Variants in SPACA7 observed in about 807,000 individuals in gnomAD.
SPACA7 encodes the protein sperm acrosome associated 7.
SPACA7 carries 19 observed loss-of-function variants against 26.3 expected under a neutral mutation model. That is an observed-to-expected ratio of 0.72 (90% CI 0.50 to 1.06). SPACA7 has a LOEUF of 1.06. Among genes scored for constraint, SPACA7 ranks in the 50% least tolerant of loss-of-function variants. The pLI is 0.00. For missense variants in SPACA7, 211 were observed against 229.9 expected, an observed-to-expected ratio of 0.92 and a Z score of 0.53; for synonymous variants, 84 against 84.5, an observed-to-expected ratio of 0.99 and a Z score of 0.04.
intron 1 of SPACA7, among the ~76,000 whole-genome samples, chr13:112,383,026 A>AGAGAGAGAGAAAGAGAG (rs1884187938): frequency 3.1e-5 from 3 of 95,308 alleles, no homozygotes; most frequent in East Asian, 2.3e-4. Flanking sequence ...GAAAGAAAGA[A>AGAGAGAGAGAAAGAGAG]AGAGAGAGAG....
At chr13:112,412,757 A>G (rs1195502508) in intron 5 of SPACA7, among the ~76,000 whole-genome samples, 1 of 152,068 alleles carries the variant, frequency 6.6e-6, no homozygotes, top group Non-Finnish European at 1.5e-5. Flanking sequence ...TTGAAAATGA[A>G]TTGGCTGTAA....
At chr13:112,413,549 A>G (rs1886490826) in intron 5 of SPACA7, among the ~76,000 whole-genome samples, 1 of 152,076 alleles carries the variant, frequency 6.6e-6, no homozygotes, top group Non-Finnish European at 1.5e-5. Context: ...TGATTATTCG[A>G]TAAATTGGGG....
At chr13:112,407,322 G>A (rs1447480116) in intron 5 of SPACA7, among the ~76,000 whole-genome samples, 2 of 152,120 alleles carry the variant, frequency 1.3e-5, no homozygotes, top group Non-Finnish European at 2.9e-5. Context: ...AGAAGCAAGA[G>A]CAAACACATT....
At chr13:112,429,479 G>C (rs1328472329) in intron 5 of SPACA7, among the ~76,000 whole-genome samples, 3 of 150,924 alleles carry the variant, frequency 2.0e-5, no homozygotes. Context: ...CCTTTCTTTT[G>C]ATTGGTATTA....
chr13:112,434,107 G>A (rs1292460793), intron 6 of SPACA7, among the ~76,000 whole-genome samples: 1 of 152,148 alleles, frequency 6.6e-6, no homozygotes, highest in Non-Finnish European at 1.5e-5. Flanking sequence ...GGCAATGTTG[G>A]ACAGTGAAGA....
chr13:112,434,348 C>T, intron 6 of SPACA7, 137 bp from the exon 7 acceptor site: 1 of 723,216 alleles, frequency 1.4e-6, no homozygotes, highest in Non-Finnish European at 2.4e-6. Context: ...GCCCCAGACA[C>T]ATCCGCAGGG....
At chr13:112,384,327 A>T (rs979534215) in intron 1 of SPACA7, among the ~76,000 whole-genome samples, 1 of 152,034 alleles carries the variant, frequency 6.6e-6, no homozygotes, top group Non-Finnish European at 1.5e-5. Context: ...CATAATAATT[A>T]AAATTATTAC....
chr13:112,409,732 A>C (rs1168536369), intron 5 of SPACA7, among the ~76,000 whole-genome samples: 1 of 152,180 alleles, frequency 6.6e-6, no homozygotes, highest in Non-Finnish European at 1.5e-5. Context: ...GCTGGAGAGG[A>C]TGTGGAGAAA....
In SPACA7 at chr13:112,415,069, T is replaced by C. The variant is rs533469986; in HGVS notation, c.445+13905T>C. Among the ~76,000 whole-genome samples the C allele has an allele frequency of 5.3e-5, 8 of 152,336 alleles. No homozygotes were observed. In the South Asian group the frequency reaches 1.7e-3, roughly 32 times the overall value. Reference sequence around the variant, plus strand: ...AAGTCCAGTTACACTGCAAATCTCTTGCAACCTCCTAGATACCCAGCTCTG... The same window carrying C: ...AAGTCCAGTTACACTGCAAATCTCTCGCAACCTCCTAGATACCCAGCTCTG... On this transcript the variant is annotated intron_variant, in intron 5 of 6. Transcript: ENST00000283550.
intron 5 of SPACA7, among the ~76,000 whole-genome samples, chr13:112,418,537 A>C (rs1298272298): frequency 6.6e-6 from 1 of 152,228 alleles, no homozygotes; most frequent in African/African-American, 2.4e-5. Flanking sequence ...GGAATAGCTA[A>C]TCTGTGAAAC....
chr13:112,424,515 G>T (rs1266734879), intron 5 of SPACA7, among the ~76,000 whole-genome samples: 1 of 152,072 alleles, frequency 6.6e-6, no homozygotes, highest in East Asian at 1.9e-4. Context: ...TTGTGTTGGG[G>T]GGCTTGGTGC....
At chr13:112,382,574 G>T in intron 1 of SPACA7, 1 of 1,522,932 alleles carries the variant, frequency 6.6e-7, no homozygotes, top group South Asian at 1.3e-5. Flanking sequence ...GGCTTCCAAG[G>T]CTTGTGTGGT....
At chr13:112,430,174 CTGTGTGTGTG>C (rs61438595) in intron 5 of SPACA7, among the ~76,000 whole-genome samples, 11 of 134,210 alleles carry the variant, frequency 8.2e-5, no homozygotes, top group African/African-American at 2.8e-4. Flanking sequence ...ATCTCTCTCT[CTGTGTGTGTG>C]TGTGTGTGTG....
intron 2 of SPACA7, among the ~76,000 whole-genome samples, chr13:112,395,273 G>A (rs1234120563): frequency 3.9e-5 from 6 of 152,344 alleles, no homozygotes; most frequent in East Asian, 1.9e-4. Context: ...GGTCGGCTCC[G>A]AATTGGAAGC....
At chr13:112,406,423 A>G (rs1238766078) in intron 5 of SPACA7, among the ~76,000 whole-genome samples, 1 of 152,202 alleles carries the variant, frequency 6.6e-6, no homozygotes, top group African/African-American at 2.4e-5. Flanking sequence ...CATGTGTCAG[A>G]ATTTTCTCTC....
intron 1 of SPACA7, among the ~76,000 whole-genome samples, chr13:112,381,214 G>T (rs1884037628): frequency 6.6e-6 from 1 of 152,134 alleles, no homozygotes; most frequent in Non-Finnish European, 1.5e-5. Context: ...CACAGGTTGG[G>T]TGCAGTGGCT....
chr13:112,429,643 T>G (rs1366750504), intron 5 of SPACA7, among the ~76,000 whole-genome samples: 3 of 152,186 alleles, frequency 2.0e-5, no homozygotes, highest in Admixed American at 1.3e-4. Context: ...TAAAAACATT[T>G]TTAATACTTT....
At chr13:112,413,406 A>AT (rs529126159) in intron 5 of SPACA7, among the ~76,000 whole-genome samples, 366 of 150,432 alleles carry the variant, frequency 2.4e-3, no homozygotes, top group African/African-American at 8.6e-3. Context: ...TATGTCATCC[A>AT]ACTCCCTCCT....
chr13:112,383,781 T>G lies in SPACA7; in HGVS notation c.94+7302T>G, dbSNP rs73576772. On this transcript the variant is annotated intron_variant, in intron 1 of 6. Coordinates refer to ENST00000283550, the MANE Select transcript of SPACA7 (RefSeq NM_145248.5). ...TTTAATTGGCTTTATAAGTTAACTT[T>G]GATTCTTTAAAGAAGCATGCCAGTC... 2.1e-3 allele frequency among the ~76,000 whole-genome samples: 325 copies of G among 152,346 alleles called. 3 individuals are homozygous for G. The highest frequency in any genetic ancestry group is 7.4e-3 in the African/African-American group (307 of 41,584).
Sources: gnomAD v4.1 joint callset for allele counts (sites outside exome capture counted in the v4.1 genomes callset) on GRCh38, gnomAD v4.1.1 for gene constraint, MANE v1.5 for transcripts, NCBI Gene and HGNC (gene_info 2026-07-23, HGNC 2026-07-21) for gene names.